Variants in PHF20L1 observed in about 807,000 individuals in gnomAD.
PHF20L1 encodes the protein PHD finger protein 20-like protein 1.
A neutral mutation model predicts 125.5 loss-of-function variants in PHF20L1; 44 were observed. That is an observed-to-expected ratio of 0.35 (90% confidence interval 0.28 to 0.45). The LOEUF (loss-of-function observed/expected upper bound fraction) is 0.45. Among genes scored for constraint, PHF20L1 ranks in the 20% least tolerant of loss-of-function variants. The probability of loss-of-function intolerance (pLI) is 1.00; values close to 1 mark genes in which losing one functional copy is unlikely to be tolerated. For missense variants in PHF20L1, 1,012 were observed against 1,217.2 expected, an observed-to-expected ratio of 0.83 and a Z score of 2.51; for synonymous variants, 380 against 403.1, an observed-to-expected ratio of 0.94 and a Z score of 0.69.
At chr8:132,811,922 CTT>C (rs763271108) in intron 9 of PHF20L1, 79 of 975,014 alleles carry the variant, frequency 8.1e-5, no homozygotes, top group Non-Finnish European at 9.4e-5. Context: ...ATAAAGAAGA[CTT>C]TGAGTATCTT....
In PHF20L1 at chr8:132,836,870, G is replaced by T. The variant is rs756102864; in HGVS notation, c.2091+149G>T. 43 of 614,722 alleles carry T rather than the reference G, an allele frequency of 7.0e-5. No individual in the cohort carries two copies. In the Admixed American group the frequency reaches 7.3e-4, roughly 10 times the overall value. The allele number at this position is 614,722 out of a possible 1,614,324, so 38.1% of individuals were successfully genotyped here. A position where few individuals can be genotyped will look rare whatever the true frequency, so the allele number is the denominator to read the frequency against. On this transcript the variant is annotated intron_variant, in intron 16 of 20. Transcript: ENST00000395386. ...TGGAAAATACCCATAGTAATGATTA[G>T]GAGATTTCCTCATTAAGTAAAGTAG...
At chr8:132,801,305 G>A (rs528879802) in intron 6 of PHF20L1, among the ~76,000 whole-genome samples, 7 of 151,674 alleles carry the variant, frequency 4.6e-5, no homozygotes, top group African/African-American at 1.7e-4. Context: ...GCCTTGTTTC[G>A]TTGGATTCTC....
rs779562472 is a variant in PHF20L1, at chr8:132,839,475, T to C, written c.2280T>C (p.Tyr760=). ...GGTTATCATTTTTCAAAGAAAATTA[T>C]TCTCATCTCAATGCCAAAAAGATAG... is the stretch of plus-strand genomic sequence containing the variant. ...MCGLSFFKEN[Y]SHLNAKKIVS... is the part of the protein sequence containing the mutation. Residue 760 remains tyrosine (Y), a synonymous_variant, in exon 18 of 21, where the codon TAT becomes TAC. Coordinates refer to ENST00000395386, the MANE Select transcript of PHF20L1 (RefSeq NM_016018.5). The C allele has an allele frequency of 4.5e-5, 73 of 1,613,046 alleles. No homozygotes were observed. Among genetic ancestry groups the C allele is most frequent in the Non-Finnish European group, 5.9e-5 (70 of 1,179,254 alleles).
At chr8:132,788,932 A>G (rs1000492408) in intron 2 of PHF20L1, 5 of 151,868 alleles carry the variant, frequency 3.3e-5, no homozygotes, top group East Asian at 3.9e-4. Flanking sequence ...GAATACCCAT[A>G]TACATCTACA....
chr8:132,781,451 T>C (rs1246674298), intron 2 of PHF20L1, among the ~76,000 whole-genome samples: 1 of 152,192 alleles, frequency 6.6e-6, no homozygotes, highest in Non-Finnish European at 1.5e-5. Flanking sequence ...TCTTGCTCTT[T>C]CGCCAGTCTG....
chr8:132,811,555 A>G (rs765080023), intron 9 of PHF20L1: 4 of 984,210 alleles, frequency 4.1e-6, no homozygotes, highest in Non-Finnish European at 4.8e-6. Context: ...GTGTTTTATG[A>G]ATTGATCAAT....
chr8:132,780,657 G>A (rs1830318961), intron 2 of PHF20L1, among the ~76,000 whole-genome samples: 1 of 151,988 alleles, frequency 6.6e-6, no homozygotes. Context: ...ACTATTATGG[G>A]CATTGGATAG....
intron 2 of PHF20L1, among the ~76,000 whole-genome samples, chr8:132,787,580 T>TATCCTCTCAC: frequency 6.6e-6 from 1 of 152,174 alleles, no homozygotes; most frequent in Non-Finnish European, 1.5e-5. Context: ...CTATTTTGTA[T>TATCCTCTCAC]TAACATTGCA....
chr8:132,825,766 G>A (rs1394167072), intron 14 of PHF20L1, among the ~76,000 whole-genome samples: 1 of 152,048 alleles, frequency 6.6e-6, no homozygotes, highest in Non-Finnish European at 1.5e-5. Flanking sequence ...AACAGAATTT[G>A]GTATCAGCAA....
chr8:132,846,742 A>T lies in PHF20L1; in HGVS notation c.*819A>T, dbSNP rs139630457. ...TCCATCCAAAACCTATATATCACCT[A>T]TACTATATATATCATATATATAGTT... is the stretch of plus-strand genomic sequence containing the variant. On this transcript the variant is annotated 3_prime_UTR_variant, in exon 21 of 21. Transcript: ENST00000395386. The T allele has an allele frequency of 6.6e-6, 1 of 152,452 alleles. No individual in the cohort carries two copies. Among genetic ancestry groups the T allele is most frequent in the African/African-American group, 2.4e-5 (1 of 41,490 alleles). 9.4% of individuals were successfully genotyped at this position (152,452 alleles called of 1,614,324 possible).
In PHF20L1 at chr8:132,803,981, A is replaced by G. The variant is rs1833390583; in HGVS notation, c.670A>G (p.Thr224Ala). ...GGAGGAAACTTCAACTTGTATAGCC[A>G]CACCAGACGTAGAGAAGAAGGAAGA... The part of the protein sequence containing the change: ...KKEETSTCIA[T>A]PDVEKKEDLP... The change falls in exon 7 of 21, where the codon ACA becomes GCA. Residue 224 changes from threonine (T) to alanine (A), a missense_variant. Thr to Ala is a moderately conservative substitution (Grantham distance 58). Around this residue, in one of 7 missense-constraint regions of PHF20L1, gnomAD observed 134 missense variants for 145.9 expected, o/e 0.92. Coordinates refer to ENST00000395386, the MANE Select transcript of PHF20L1 (RefSeq NM_016018.5). 1 of 1,612,368 alleles carries G rather than the reference A, an allele frequency of 6.2e-7. No individual in the cohort carries two copies.
At chr8:132,838,412 G>T (rs1449699776) in intron 17 of PHF20L1, 1 of 152,788 alleles carries the variant, frequency 6.5e-6, no homozygotes, top group Non-Finnish European at 1.5e-5. Flanking sequence ...TACCTGTGAT[G>T]CCTTTATTTT....
At chr8:132,792,253 A>G (rs1031699556) in intron 2 of PHF20L1, among the ~76,000 whole-genome samples, 3 of 152,346 alleles carry the variant, frequency 2.0e-5, no homozygotes, top group Middle Eastern at 3.4e-3. Context: ...TTCAGTGGCT[A>G]GCGAATGTTG....
intron 4 of PHF20L1, among the ~76,000 whole-genome samples, chr8:132,798,040 A>C (rs1832617764): frequency 6.6e-6 from 1 of 152,066 alleles, no homozygotes; most frequent in South Asian, 2.1e-4. Context: ...TCTGTAACAA[A>C]AAGTGAATAT....
intron 17 of PHF20L1, 146 bp from the exon 18 acceptor site, chr8:132,839,241 T>G (rs200681161): frequency 4.7e-6 from 3 of 634,912 alleles, no homozygotes; most frequent in Admixed American, 2.8e-5. Context: ...CTGCACCAGT[T>G]CCTCAGAACG....
At position 132,792,595 on chromosome 8, in the gene PHF20L1, C is replaced by T. The variant is rs186110992; in HGVS notation, c.84-1815C>T. 3.2e-4 allele frequency among the ~76,000 whole-genome samples: 48 copies of T among 152,286 alleles called. 1 individual carries two copies. The highest frequency in any genetic ancestry group is 1.0e-3 in the African/African-American group (43 of 41,564). On this transcript the variant is annotated intron_variant, in intron 2 of 20. Coordinates refer to ENST00000395386, the MANE Select transcript of PHF20L1 (RefSeq NM_016018.5). ...TGCCTTTCTTTAAAGCGGCTTCTTACGCCTGCAGACATTCCCGCCTTTCTT... is the reference window on the plus strand; with the variant it reads ...TGCCTTTCTTTAAAGCGGCTTCTTATGCCTGCAGACATTCCCGCCTTTCTT...
At position 132,848,296 on chromosome 8, in the gene PHF20L1, C is replaced by G. The variant is rs1838555193; in HGVS notation, c.*2373C>G. 6.6e-6 allele frequency: 1 copy of G among 152,406 alleles called. No individual in the cohort carries two copies. Among genetic ancestry groups the G allele is most frequent in the African/African-American group, 2.4e-5 (1 of 41,416 alleles). The allele number at this position is 152,406 out of a possible 1,614,324, so 9.4% of individuals were successfully genotyped here. A position where few individuals can be genotyped will look rare whatever the true frequency, so the allele number is the denominator to read the frequency against. ...ATCTTTAAATCAAATTATTTTTATGCATATTTTCATTTAATATAGAGTATA... is the reference window on the plus strand; with the variant it reads ...ATCTTTAAATCAAATTATTTTTATGGATATTTTCATTTAATATAGAGTATA... On this transcript the variant is annotated 3_prime_UTR_variant, in exon 21 of 21. Transcript: ENST00000395386.
At chr8:132,785,656 C>T (rs1323836336) in intron 2 of PHF20L1, among the ~76,000 whole-genome samples, 1 of 152,062 alleles carries the variant, frequency 6.6e-6, no homozygotes, top group African/African-American at 2.4e-5. Context: ...TAAGAATATA[C>T]TTCTTATTAA....
intron 2 of PHF20L1, among the ~76,000 whole-genome samples, chr8:132,781,913 C>CCTGAGTAGTGTG (rs1389062704): frequency 6.6e-6 from 1 of 152,144 alleles, no homozygotes; most frequent in Non-Finnish European, 1.5e-5. Context: ...AAACATAACT[C>CCTGAGTAGTGTG]CTGAGTAGTG....
Sources: gnomAD v4.1 joint callset for allele counts (sites outside exome capture counted in the v4.1 genomes callset) on GRCh38, gnomAD v4.1.1 for gene constraint, gnomAD v4.1.1 regional missense constraint, MANE v1.5 for transcripts, NCBI Gene and HGNC (gene_info 2026-07-23, HGNC 2026-07-21) for gene names.